Variants in PKD1L1 observed in about 807,000 individuals in gnomAD.
PKD1L1 encodes the protein polycystin-1-like protein 1.
A neutral mutation model predicts 323.4 loss-of-function variants in PKD1L1; 236 were observed. The observed-to-expected ratio is 0.73, with a 90% CI of 0.66 to 0.81. The LOEUF is 0.81. PKD1L1 is among the 40% of genes least tolerant of loss of function. PKD1L1 has a pLI of 0.00. For synonymous variants in PKD1L1, 1,344 were observed against 1,335.0 expected (o/e 1.01, Z -0.15); for missense variants, 3,320 against 3,508.0 (o/e 0.95, Z 1.35).
rs569847210 is a variant in PKD1L1, at chr7:47,884,455, G to T, written c.3265+143C>A. On this transcript the variant is annotated intron_variant, in intron 19 of 56. Coordinates refer to ENST00000289672, the MANE Select transcript of PKD1L1 (RefSeq NM_138295.5). ...GAAATAAAGGTTTGGTTCAGACCGT[G>T]CCATGTAAGAGTTCAACTTTTCCCT... 1.6e-5 allele frequency: 12 copies of T among 728,378 alleles called. No individual in the cohort carries two copies. The East Asian group carries it at 3.2e-4, about 20-fold the overall frequency. The allele number at this position is 728,378 out of a possible 1,614,324, so 45.1% of individuals were successfully genotyped here. A position where few individuals can be genotyped will look rare whatever the true frequency, so the allele number is the denominator to read the frequency against.
rs190729922 is a variant in PKD1L1, at chr7:47,919,736, C to T, written c.1061-4137G>A. The stretch of plus-strand genomic sequence containing the variant: ...CATACTCAAGTCAATAAATATGATA[C>T]ATCACATAAACAGAATTAAAAACAA... On this transcript the variant is annotated intron_variant, in intron 7 of 56. Transcript: ENST00000289672. Among the ~76,000 whole-genome samples, 457 of 152,190 alleles carry T rather than the reference C, an allele frequency of 3.0e-3. 6 individuals are homozygous for T. Among genetic ancestry groups the T allele is most frequent in the African/African-American group, 0.01 (428 of 41,510 alleles).
At chr7:47,931,823 G>C (rs1787775963) in intron 5 of PKD1L1, 113 bp downstream of exon 5, 1 of 1,329,014 alleles carries the variant, frequency 7.5e-7, no homozygotes, top group African/African-American at 1.5e-5. Flanking sequence ...TGCAAAATAT[G>C]GTTCACTGAC....
At chr7:47,833,767 TC>T (rs1461057737) in intron 40 of PKD1L1, among the ~76,000 whole-genome samples, 1 of 152,006 alleles carries the variant, frequency 6.6e-6, no homozygotes, top group Non-Finnish European at 1.5e-5. Context: ...CAAAGCAGAA[TC>T]CCACGTAAGC....
intron 52 of PKD1L1, 38 bp downstream of exon 52, chr7:47,808,209 A>G: frequency 1.2e-6 from 2 of 1,609,904 alleles, no homozygotes; most frequent in Non-Finnish European, 1.7e-6. Context: ...ATCACAGTGC[A>G]TGGCCTCTAT....
chr7:47,940,066 A>G, intron 3 of PKD1L1, 127 bp downstream of exon 3: 4 of 1,284,688 alleles, frequency 3.1e-6, no homozygotes, highest in Non-Finnish European at 4.4e-6. Context: ...CTTCATTGGC[A>G]CAAACACACA....
rs529700870 is a variant in PKD1L1, at chr7:47,791,822, G to A, written c.8526+805C>T. ...TCAGTCATGTGAACATGACAGCTCT[G>A]GGCCAGCAGAGTATCTCTCTGGATC... On this transcript the variant is annotated intron_variant, in intron 56 of 56. Coordinates refer to ENST00000289672, the MANE Select transcript of PKD1L1 (RefSeq NM_138295.5). Among the ~76,000 whole-genome samples, 217 of 152,208 alleles carry A rather than the reference G, an allele frequency of 1.4e-3. 2 individuals are homozygous for A. The highest frequency in any genetic ancestry group is 6.8e-3 in the Middle Eastern group (2 of 294).
At chr7:47,806,770 T>A (rs75886999) in intron 52 of PKD1L1, among the ~76,000 whole-genome samples, 1 of 152,186 alleles carries the variant, frequency 6.6e-6, no homozygotes, top group African/African-American at 2.4e-5. Context: ...TCACAATAAC[T>A]GTTGAATGTG....
chr7:47,917,803 G>A (rs925035615), intron 7 of PKD1L1, among the ~76,000 whole-genome samples: 2 of 151,970 alleles, frequency 1.3e-5, no homozygotes, highest in African/African-American at 2.4e-5. Flanking sequence ...ACCACTACAA[G>A]AACTGCTAAA....
chr7:47,954,191 G>T, the PKD1L1 span, among the ~76,000 whole-genome samples: 1 of 152,214 alleles, frequency 6.6e-6, no homozygotes, highest in African/African-American at 2.4e-5. Context: ...AAGAGCCATG[G>T]AAGTCACCCA....
intron 24 of PKD1L1, among the ~76,000 whole-genome samples, chr7:47,866,942 T>G (rs1384886238): frequency 1.3e-5 from 2 of 152,200 alleles, no homozygotes; most frequent in African/African-American, 4.8e-5. Context: ...TGGCCGGAGT[T>G]TATGACTCCG....
chr7:47,839,597 G>A lies in PKD1L1; in HGVS notation c.5618C>T (p.Pro1873Leu). 1 of 1,598,702 alleles carries A rather than the reference G, an allele frequency of 6.3e-7. No homozygotes were observed. ...CATCACGTGGCTGATGAACCAGCCTGGGGAAGGCCCACGGCTGTCGTGCCA... is the reference window on the plus strand; with the variant it reads ...CATCACGTGGCTGATGAACCAGCCTAGGGAAGGCCCACGGCTGTCGTGCCA... ...RLWHDSRGPS[P>L]GWFISHVMVK... Residue 1873 changes from proline (P) to leucine (L), a missense_variant, in exon 36 of 57, where the codon CCA becomes CTA. Coordinates refer to ENST00000289672, the MANE Select transcript of PKD1L1 (RefSeq NM_138295.5). The surrounding 1 kb of genome is among the most constrained non-coding windows in gnomAD (Gnocchi z 4.3).
chr7:47,786,665 G>A (rs1362007893), intron 56 of PKD1L1, among the ~76,000 whole-genome samples: 1 of 152,250 alleles, frequency 6.6e-6, no homozygotes, highest in East Asian at 1.9e-4. Flanking sequence ...AGGAAAATAT[G>A]TGGAGGAAAA....
rs946357865 is a variant in PKD1L1, at chr7:47,839,325, A to T, written c.5769+121T>A. 2.7e-6 allele frequency: 2 copies of T among 728,520 alleles called. No homozygotes were observed. The highest frequency in any genetic ancestry group is 4.4e-6 in the Non-Finnish European group (2 of 453,222). The allele number at this position is 728,520 out of a possible 1,614,324, so 45.1% of individuals were successfully genotyped here. Reference sequence around the variant, plus strand: ...TTTGATATCGTGGTAATTAACTAAGAAAAGAGGAATACACTTTAGAAGAGT... The same window carrying T: ...TTTGATATCGTGGTAATTAACTAAGTAAAGAGGAATACACTTTAGAAGAGT... On this transcript the variant is annotated intron_variant, in intron 36 of 56. Transcript: ENST00000289672. This position sits in a 1 kb window ranked among gnomAD's most constrained non-coding sequence, Gnocchi z 4.3.
intron 53 of PKD1L1, among the ~76,000 whole-genome samples, chr7:47,802,979 A>G (rs141591548): frequency 6.6e-6 from 1 of 152,360 alleles, no homozygotes; most frequent in African/African-American, 2.4e-5. Flanking sequence ...GTTGTAAGGT[A>G]TAGTACAGAG....
chr7:47,919,274 G>C (rs1322897307), intron 7 of PKD1L1, among the ~76,000 whole-genome samples: 2 of 152,078 alleles, frequency 1.3e-5, no homozygotes, highest in African/African-American at 4.8e-5. Flanking sequence ...AGAAAACCTA[G>C]AAGAGATGGA....
chr7:47,835,914 A>C (rs953697578), intron 37 of PKD1L1, among the ~76,000 whole-genome samples: 3 of 152,196 alleles, frequency 2.0e-5, no homozygotes, highest in Non-Finnish European at 4.4e-5. Flanking sequence ...ACTCTCTACC[A>C]GGCATGTGCT....
chr7:47,883,122 T>C (rs1180794649), intron 19 of PKD1L1, among the ~76,000 whole-genome samples: 1 of 152,250 alleles, frequency 6.6e-6, no homozygotes, highest in Admixed American at 6.5e-5. Flanking sequence ...TGAGTACGAA[T>C]GTGAGCCTCT....
At chr7:47,899,885 G>A (rs762592585) in intron 13 of PKD1L1, among the ~76,000 whole-genome samples, 2 of 147,628 alleles carry the variant, frequency 1.4e-5, no homozygotes, top group Non-Finnish European at 3.0e-5. Flanking sequence ...GAACCCGGGA[G>A]GCGGAGCTTG....
At chr7:47,857,922 T>G in intron 27 of PKD1L1, 90 bp from the exon 28 acceptor site, 2 of 1,255,078 alleles carry the variant, frequency 1.6e-6, no homozygotes, top group Non-Finnish European at 2.2e-6. Flanking sequence ...GAAAAGTAGT[T>G]AAAAAGCCCA....
Sources: gnomAD v4.1 joint callset for allele counts (sites outside exome capture counted in the v4.1 genomes callset) on GRCh38, gnomAD v4.1.1 for gene constraint, Gnocchi (gnomAD v3.1) non-coding constraint, MANE v1.5 for transcripts, NCBI Gene and HGNC (gene_info 2026-07-23, HGNC 2026-07-21) for gene names.